The following SVIL variants were observed in gnomAD, a reference collection of about 807,000 sequenced individuals.
SVIL encodes archvillin.
A neutral mutation model predicts 240.4 loss-of-function variants in SVIL; 101 were observed. The ratio of observed to expected loss-of-function variants is 0.42; its 90% CI spans 0.36 to 0.50. SVIL has a LOEUF of 0.50. Among genes scored for constraint, SVIL ranks in the 20% least tolerant of loss-of-function variants. SVIL has a pLI of 0.01. For synonymous variants in SVIL, 999 were observed against 1,100.0 expected (o/e 0.91, Z 1.82); for missense variants, 2,512 against 2,818.7 (o/e 0.89, Z 2.46).
chr10:29,545,108 C>A (rs372300607), intron 6 of SVIL: 2 of 533,902 alleles, frequency 3.7e-6, no homozygotes, highest in African/African-American at 3.8e-5. Flanking sequence ...CCTGCAGACA[C>A]CTCTCTCAGT....
intron 16 of SVIL, among the ~76,000 whole-genome samples, chr10:29,520,779 G>A (rs1223610838): frequency 1.3e-5 from 2 of 152,050 alleles, no homozygotes; most frequent in African/African-American, 4.8e-5. Flanking sequence ...AGCCAGGCAT[G>A]GTGGTACGTG....
At chr10:29,493,740 CAG>C (rs1236686930) in intron 20 of SVIL, among the ~76,000 whole-genome samples, 1 of 152,184 alleles carries the variant, frequency 6.6e-6, no homozygotes, top group African/African-American at 2.4e-5. Flanking sequence ...CAAAAAGGGC[CAG>C]CCAGTAAACA....
At chr10:29,605,765 T>A (rs1307209432) in intron 1 of SVIL, among the ~76,000 whole-genome samples, 2 of 149,564 alleles carry the variant, frequency 1.3e-5, no homozygotes, top group Non-Finnish European at 3.0e-5. Context: ...TAAATAAATG[T>A]ATATGTGTGT....
At chr10:29,553,535 C>T (rs1953589201) in intron 5 of SVIL, among the ~76,000 whole-genome samples, 1 of 151,582 alleles carries the variant, frequency 6.6e-6, no homozygotes, top group Admixed American at 6.6e-5. Flanking sequence ...GAGCCAAGAT[C>T]TTGCCATCGC....
intron 1 of SVIL, among the ~76,000 whole-genome samples, chr10:29,732,201 GTCC>G (rs60805416): frequency 0.12 from 18,166 of 152,108 alleles, 1,208 homozygotes; most frequent in South Asian, 0.23. Context: ...ATCCCTCTCT[GTCC>G]TCCTGTCCAT....
At chr10:29,493,113 GAGA>G in intron 21 of SVIL, 98 bp downstream of exon 21, 1 of 1,345,952 alleles carries the variant, frequency 7.4e-7, no homozygotes, top group Non-Finnish European at 1.0e-6. Context: ...GAGTTAGAAG[GAGA>G]AGGAGGCCAC....
At chr10:29,689,316 G>A (rs1030827773) in intron 1 of SVIL, among the ~76,000 whole-genome samples, 4 of 151,792 alleles carry the variant, frequency 2.6e-5, no homozygotes, top group Non-Finnish European at 4.4e-5. Context: ...ACAGAGTCTC[G>A]CACTATCACC....
At chr10:29,677,784 G>A (rs1589497920) in intron 2 of SVIL, among the ~76,000 whole-genome samples, 1 of 152,084 alleles carries the variant, frequency 6.6e-6, no homozygotes, top group Non-Finnish European at 1.5e-5. Context: ...GAGGGAAAGG[G>A]ATGGCCCTTT....
intron 10 of SVIL, among the ~76,000 whole-genome samples, 173 bp downstream of exon 10, chr10:29,531,081 C>A (rs951864887): frequency 5.3e-5 from 8 of 152,220 alleles, no homozygotes; most frequent in Admixed American, 2.0e-4. Flanking sequence ...GAAGGGAAAG[C>A]TTGTCTGAAA....
At chr10:29,609,460 G>T in intron 1 of SVIL, among the ~76,000 whole-genome samples, 1 of 152,202 alleles carries the variant, frequency 6.6e-6, no homozygotes, top group Middle Eastern at 3.2e-3. Context: ...GACTGAAAGA[G>T]CTGTAACACA....
intron 1 of SVIL, among the ~76,000 whole-genome samples, chr10:29,597,614 G>A (rs931797140): frequency 4.6e-5 from 7 of 151,996 alleles, no homozygotes; most frequent in African/African-American, 1.7e-4. Context: ...TGGCCAGGCT[G>A]GTCTCGAACT....
chr10:29,483,294 G>A (rs1260931656), intron 27 of SVIL: 2 of 152,250 alleles, frequency 1.3e-5, no homozygotes, highest in Admixed American at 1.3e-4. Context: ...CCTGGGCCAG[G>A]AGCCAGGGGT....
upstream of SVIL, among the ~76,000 whole-genome samples, chr10:29,635,252 A>G (rs549426081): frequency 9.2e-5 from 14 of 152,346 alleles, no homozygotes; most frequent in Middle Eastern, 3.4e-3. Flanking sequence ...GGCTAAAAAA[A>G]GAGCACACAA....
rs372846882 is a variant in SVIL, at chr10:29,555,082, G to A, written c.-24C>T. On this transcript the variant is annotated 5_prime_UTR_variant, in exon 4 of 38. Transcript: ENST00000355867. ...ATTTCTAAGAATTCTTTCTTCTTTG[G>A]TTCAAAGATTTGTCTTAATTCTGCA... 4.3e-6 allele frequency: 7 copies of A among 1,611,762 alleles called. No individual in the cohort carries two copies. In the Admixed American group the frequency reaches 5.1e-5, roughly 12 times the overall value.
At chr10:29,717,028 GA>G (rs1476964574) in intron 1 of SVIL, among the ~76,000 whole-genome samples, 2 of 152,044 alleles carry the variant, frequency 1.3e-5, no homozygotes, top group Non-Finnish European at 2.9e-5. Context: ...CAGAGATCGA[GA>G]CCATCCTGGC....
At chr10:29,703,772 C>G (rs1382666771) in intron 1 of SVIL, among the ~76,000 whole-genome samples, 1 of 152,220 alleles carries the variant, frequency 6.6e-6, no homozygotes, top group Non-Finnish European at 1.5e-5. Flanking sequence ...GGCCAAGTCT[C>G]TCCTCCAAAG....
intron 34 of SVIL, among the ~76,000 whole-genome samples, chr10:29,464,787 C>T (rs559533761): frequency 1.3e-5 from 2 of 150,058 alleles, no homozygotes; most frequent in Non-Finnish European, 2.9e-5. Flanking sequence ...TCCCTGGCTG[C>T]AGCTCCAGGC....
chr10:29,673,329 T>C (rs1207536961), intron 2 of SVIL, among the ~76,000 whole-genome samples: 1 of 152,198 alleles, frequency 6.6e-6, no homozygotes, highest in Non-Finnish European at 1.5e-5. Context: ...TAATATCAGA[T>C]ATTCCAAGCT....
At chr10:29,471,970 G>T (rs965069773) in intron 30 of SVIL, among the ~76,000 whole-genome samples, 2 of 152,180 alleles carry the variant, frequency 1.3e-5, no homozygotes, top group African/African-American at 2.4e-5. Context: ...GCTCATGCCT[G>T]TAGTGGTGCA....
Sources: gnomAD v4.1 joint callset for allele counts (sites outside exome capture counted in the v4.1 genomes callset) on GRCh38, gnomAD v4.1.1 for gene constraint, MANE v1.5 for transcripts, NCBI Gene and HGNC (gene_info 2026-07-23, HGNC 2026-07-21) for gene names.